The following HNRNPLL variants were observed in gnomAD, a reference collection of about 807,000 sequenced individuals.
HNRNPLL encodes the protein heterogeneous nuclear ribonucleoprotein L-like.
Under a neutral mutation model 67.1 loss-of-function variants are expected in HNRNPLL, and 25 were observed. The observed-to-expected ratio is 0.37, with a 90% confidence interval of 0.27 to 0.52. The LOEUF is 0.52. Ranked by LOEUF, HNRNPLL falls within the 20% of genes least tolerant of loss-of-function variation. The probability of loss-of-function intolerance (pLI) is 0.90; values close to 1 mark genes in which losing one functional copy is unlikely to be tolerated. For missense variants in HNRNPLL, 542 were observed against 673.9 expected (o/e 0.80, Z 2.17); for synonymous variants, 267 against 241.7 (o/e 1.10, Z -0.97).
intron 8 of HNRNPLL, among the ~76,000 whole-genome samples, chr2:38,572,212 ATGTTTTGTTT>A (rs55761392): frequency 3.3e-5 from 5 of 151,204 alleles, no homozygotes; most frequent in African/African-American, 1.2e-4. Context: ...CAAATGTGGA[ATGTTTTGTTT>A]TGTTTTGTTT....
At chr2:38,579,640 G>C (rs1573735542) in intron 6 of HNRNPLL, among the ~76,000 whole-genome samples, 1 of 151,800 alleles carries the variant, frequency 6.6e-6, no homozygotes, top group African/African-American at 2.4e-5. Context: ...ATTTCTGGAG[G>C]GGTTCCCTGG....
At chr2:38,577,389 C>T (rs1666339603) in intron 7 of HNRNPLL, 72 bp downstream of exon 7, 1 of 935,116 alleles carries the variant, frequency 1.1e-6, no homozygotes. Context: ...AAGAAATGTG[C>T]CATACTTCAT....
At chr2:38,593,090 T>C (rs896582837) in intron 1 of HNRNPLL, among the ~76,000 whole-genome samples, 29 of 152,182 alleles carry the variant, frequency 1.9e-4, no homozygotes, top group African/African-American at 6.8e-4. Flanking sequence ...AAAAATAAAC[T>C]CAGTCCTTTG....
chr2:38,580,822 C>A (rs1306698028), intron 6 of HNRNPLL, among the ~76,000 whole-genome samples: 4 of 152,184 alleles, frequency 2.6e-5, no homozygotes, highest in Non-Finnish European at 5.9e-5. Flanking sequence ...TAAAGATATT[C>A]TATCTTGAAC....
chr2:38,567,313 G>C (rs759094721), intron 12 of HNRNPLL, among the ~76,000 whole-genome samples: 1 of 151,724 alleles, frequency 6.6e-6, no homozygotes, highest in Admixed American at 6.6e-5. Flanking sequence ...ACAGGGTTTC[G>C]CCACATTGGC....
Position 38,573,389 on chromosome 2 carries a change from T to C in HNRNPLL, c.913A>G (p.Arg305Gly), listed in dbSNP as rs774169128. Residue 305 changes from arginine to glycine, a missense_variant, in exon 8 of 13, where the codon AGA becomes GGA. Around this residue, in one of 2 missense-constraint regions of HNRNPLL, gnomAD observed 415 missense variants for 575.2 expected, o/e 0.72. Coordinates refer to ENST00000449105, the MANE Select transcript of HNRNPLL (RefSeq NM_138394.4). ...TCAGGTGTATCTCGAGAGCCCATTC[T>C]GTAACGACTTGGTAAAGGCAATAAT... Reference protein sequence around the residue: ...GPLLPLPSRYRMGSRDTPELV... With the variant: ...GPLLPLPSRYGMGSRDTPELV... The C allele has an allele frequency of 6.2e-6, 10 of 1,611,468 alleles. No homozygotes were observed. The highest frequency in any genetic ancestry group is 1.7e-6 in the Non-Finnish European group (2 of 1,178,876).
At chr2:38,579,404 TATA>T (rs978476455) in intron 6 of HNRNPLL, among the ~76,000 whole-genome samples, 11 of 151,780 alleles carry the variant, frequency 7.2e-5, no homozygotes, top group South Asian at 2.1e-4. Context: ...AAACTTAAAG[TATA>T]ATAATAATAA....
chr2:38,584,286 C>A (rs779399858), intron 3 of HNRNPLL, among the ~76,000 whole-genome samples: 3 of 152,120 alleles, frequency 2.0e-5, no homozygotes, highest in Non-Finnish European at 4.4e-5. Context: ...GTCTCAAACT[C>A]CTGAGCTCAA....
In HNRNPLL at chr2:38,564,725, C is replaced by T. The variant is rs75972175; in HGVS notation, c.1574-488G>A. 1.1e-3 allele frequency among the ~76,000 whole-genome samples: 165 copies of T among 151,688 alleles called. 4 individuals carry two copies. In the East Asian group the frequency reaches 0.014, roughly 12 times the overall value. ...TGAAGGCAGGGACTTTGTTCACTGC[C>T]ACATTTCTATTGTTCTCAACACTGT... On this transcript the variant is annotated intron_variant, in intron 12 of 12. Coordinates refer to ENST00000449105, the MANE Select transcript of HNRNPLL (RefSeq NM_138394.4).
At chr2:38,594,467 A>AG (rs1667094106) in intron 1 of HNRNPLL, among the ~76,000 whole-genome samples, 1 of 152,186 alleles carries the variant, frequency 6.6e-6, no homozygotes, top group Admixed American at 6.5e-5. Context: ...AAAATAGTAT[A>AG]GGGGAAAAAA....
chr2:38,592,850 AATCT>A (rs1298333068), intron 1 of HNRNPLL, among the ~76,000 whole-genome samples: 1 of 152,254 alleles, frequency 6.6e-6, no homozygotes, highest in Admixed American at 6.5e-5. Flanking sequence ...TAACAAGACT[AATCT>A]GAAAGCGCTA....
intron 12 of HNRNPLL, among the ~76,000 whole-genome samples, chr2:38,566,714 T>C (rs1665874621): frequency 2.6e-5 from 4 of 151,858 alleles, no homozygotes; most frequent in Admixed American, 2.6e-4. Context: ...CCAGTCGTGG[T>C]TGCTCACGTC....
chr2:38,565,727 C>CAAAA (rs200356084), intron 12 of HNRNPLL, among the ~76,000 whole-genome samples: 1 of 73,298 alleles, frequency 1.4e-5, no homozygotes, highest in Non-Finnish European at 2.7e-5. Flanking sequence ...GACCCTGTCT[C>CAAAA]AAAAAAAAAA....
intron 12 of HNRNPLL, among the ~76,000 whole-genome samples, chr2:38,567,583 G>C (rs890793295): frequency 8.5e-5 from 13 of 152,288 alleles, no homozygotes; most frequent in African/African-American, 3.1e-4. Context: ...ATGATCAGCA[G>C]GGATTGTGGA....
intron 1 of HNRNPLL, among the ~76,000 whole-genome samples, chr2:38,598,189 G>A (rs1455889505): frequency 5.3e-5 from 8 of 152,134 alleles, no homozygotes; most frequent in Non-Finnish European, 1.2e-4. Context: ...GAGGTGGCCT[G>A]GTGATTAATT....
In HNRNPLL at chr2:38,562,578, T is replaced by C. The variant is rs1665709734; in HGVS notation, c.*1604A>G. ...TATTTATAGGGGAAAAAAAGCTTTA[T>C]TGTAAAGTTAGATAAACTTAGGTAT... On this transcript the variant is annotated 3_prime_UTR_variant, in exon 13 of 13. Transcript: ENST00000449105. 1 of 152,246 alleles carries C rather than the reference T, an allele frequency of 6.6e-6. No individual in the cohort carries two copies. Among genetic ancestry groups the C allele is most frequent in the Middle Eastern group, 3.4e-3 (1 of 294 alleles). The allele number at this position is 152,246 out of a possible 1,614,324, so 9.4% of individuals were successfully genotyped here.
At chr2:38,597,271 T>A (rs1667233222) in intron 1 of HNRNPLL, among the ~76,000 whole-genome samples, 1 of 152,254 alleles carries the variant, frequency 6.6e-6, no homozygotes, top group Admixed American at 6.5e-5. Flanking sequence ...CTAAGTTTAC[T>A]CTTCAGGCGA....
chr2:38,581,077 C>G (rs952139927), intron 6 of HNRNPLL: 1 of 152,144 alleles, frequency 6.6e-6, no homozygotes, highest in Non-Finnish European at 1.5e-5. Flanking sequence ...CAAGTGTGCA[C>G]CTTTCTAATC....
In HNRNPLL at chr2:38,564,248, T is replaced by C. The variant is rs1665762013; in HGVS notation, c.1574-11A>G. 2.1e-6 allele frequency: 3 copies of C among 1,458,848 alleles called. No individual in the cohort carries two copies. In the African/African-American group the frequency reaches 4.2e-5, roughly 20 times the overall value. The allele number at this position is 1,458,848 out of a possible 1,614,324, so 90.4% of individuals were successfully genotyped here. A position where few individuals can be genotyped will look rare whatever the true frequency, so the allele number is the denominator to read the frequency against. On this transcript the variant is annotated splice_polypyrimidine_tract_variant and intron_variant, in intron 12 of 12. Transcript: ENST00000449105. ...AGGGATTGGAACCATCTGTAAAAAG[T>C]AAAAAACAGTTAATATTTCACTTCA...
Sources: gnomAD v4.1 joint callset for allele counts (sites outside exome capture counted in the v4.1 genomes callset) on GRCh38, gnomAD v4.1.1 for gene constraint, gnomAD v4.1.1 regional missense constraint, MANE v1.5 for transcripts, NCBI Gene and HGNC (gene_info 2026-07-23, HGNC 2026-07-21) for gene names.